PDE7A: variants seen among roughly 807,000 people sequenced by gnomAD.
PDE7A encodes the protein high affinity 3',5'-cyclic-AMP phosphodiesterase 7A.
A neutral mutation model predicts 64.3 loss-of-function variants in PDE7A; 39 were observed. That is an observed-to-expected ratio of 0.61 (90% CI 0.47 to 0.79). The LOEUF (loss-of-function observed/expected upper bound fraction) is 0.79. Among genes scored for constraint, PDE7A ranks in the 30% least tolerant of loss-of-function variants. PDE7A has a pLI of 0.00. For synonymous variants in PDE7A, 203 were observed against 206.8 expected, an observed-to-expected ratio of 0.98 and a Z score of 0.16; for missense variants, 470 against 582.8, an observed-to-expected ratio of 0.81 and a Z score of 1.99.
intron 1 of PDE7A, among the ~76,000 whole-genome samples, chr8:65,801,716 T>C (rs1809991775): frequency 6.6e-6 from 1 of 152,212 alleles, no homozygotes; most frequent in Non-Finnish European, 1.5e-5. Flanking sequence ...GATACAAATT[T>C]ATGCAGGCTG....
intron 12 of PDE7A, 82 bp downstream of exon 12, chr8:65,723,459 T>C: frequency 8.1e-7 from 1 of 1,231,274 alleles, no homozygotes; most frequent in Non-Finnish European, 1.1e-6. Flanking sequence ...AATTTTAATA[T>C]TTTATATTTC....
At position 65,817,890 on chromosome 8, in the gene PDE7A, T is replaced by C. The variant is rs1222488337; in HGVS notation, c.138+23481A>G. Among the ~76,000 whole-genome samples the C allele has an allele frequency of 3.1e-3, 468 of 151,886 alleles. 2 individuals are homozygous for C. Among genetic ancestry groups the C allele is most frequent in the African/African-American group, 0.011 (449 of 41,308 alleles). On this transcript the variant is annotated intron_variant, in intron 1 of 12. Coordinates refer to ENST00000401827, the MANE Select transcript of PDE7A (RefSeq NM_001242318.3). ...GCCTCAGCCTCCTGAGTAGCTGGGA[T>C]TACAGGCGCCTGCCACTGCGCCCAG...
rs878862863 is a variant in PDE7A, at chr8:65,801,073, AGGCC to A, written c.139-18234_139-18231del. On this transcript the variant is annotated intron_variant, in intron 1 of 12. Coordinates refer to ENST00000401827, the MANE Select transcript of PDE7A (RefSeq NM_001242318.3). The stretch of plus-strand genomic sequence containing the variant: ...ACTCAGGAGGTTGAGGCAGAAATTC[AGGCC>A]TATGATCACAACTTTGACTAGTGAC... Among the ~76,000 whole-genome samples, 835 of 152,288 alleles carry A rather than the reference AGGCC, an allele frequency of 5.5e-3. 30 individuals are homozygous for A. The highest frequency in any genetic ancestry group is 0.046 in the Admixed American group (701 of 15,294).
At chr8:65,799,372 C>T (rs1380140291) in intron 1 of PDE7A, among the ~76,000 whole-genome samples, 1 of 152,004 alleles carries the variant, frequency 6.6e-6, no homozygotes, top group Admixed American at 6.6e-5. Context: ...AACTGTCAAC[C>T]ATAATAGGGA....
At chr8:65,740,453 T>G (rs1807365378) in intron 5 of PDE7A, among the ~76,000 whole-genome samples, 1 of 151,922 alleles carries the variant, frequency 6.6e-6, no homozygotes, top group Non-Finnish European at 1.5e-5. Context: ...TGGGCTGGAG[T>G]ACAATGGTGC....
chr8:65,833,326 G>A (rs922675558), intron 1 of PDE7A, among the ~76,000 whole-genome samples: 1 of 152,064 alleles, frequency 6.6e-6, no homozygotes, highest in Non-Finnish European at 1.5e-5. Context: ...TACCCTCCTA[G>A]AACATGGCAT....
intron 3 of PDE7A, among the ~76,000 whole-genome samples, chr8:65,775,391 T>C (rs1356343254): frequency 1.3e-5 from 2 of 152,260 alleles, no homozygotes; most frequent in African/African-American, 2.4e-5. Flanking sequence ...TTCTCATTTA[T>C]GAATATAAGT....
intron 1 of PDE7A, among the ~76,000 whole-genome samples, chr8:65,833,876 G>A (rs80098439): frequency 4.6e-5 from 7 of 152,034 alleles, no homozygotes; most frequent in African/African-American, 1.2e-4. Flanking sequence ...ATTTAAGGCC[G>A]GGATGCAGAG....
chr8:65,775,782 T>C (rs1376076279), intron 3 of PDE7A, among the ~76,000 whole-genome samples: 1 of 152,144 alleles, frequency 6.6e-6, no homozygotes, highest in African/African-American at 2.4e-5. Flanking sequence ...CACGCACCAC[T>C]GCACCTGGCT....
intron 5 of PDE7A, among the ~76,000 whole-genome samples, chr8:65,742,043 T>G (rs190197597): frequency 1.2e-4 from 18 of 152,258 alleles, no homozygotes; most frequent in Admixed American, 3.3e-4. Context: ...TACCAGTGAG[T>G]AAGAACACAA....
intron 12 of PDE7A, among the ~76,000 whole-genome samples, chr8:65,721,359 G>A (rs573605660): frequency 3.9e-5 from 6 of 152,296 alleles, no homozygotes; most frequent in South Asian, 2.1e-4. Context: ...CTATGTTGGG[G>A]AGTAGTAATC....
At chr8:65,839,233 AG>A (rs1208566604) in intron 1 of PDE7A, among the ~76,000 whole-genome samples, 1 of 151,758 alleles carries the variant, frequency 6.6e-6, no homozygotes, top group Admixed American at 6.6e-5. Flanking sequence ...TAAAAAAAAA[AG>A]GGTTTTTTTT....
At chr8:65,797,545 T>C (rs1030993945) in intron 1 of PDE7A, among the ~76,000 whole-genome samples, 2 of 152,236 alleles carry the variant, frequency 1.3e-5, no homozygotes, top group Non-Finnish European at 2.9e-5. Flanking sequence ...GTGAGACAGA[T>C]AATTTCTGTT....
chr8:65,822,968 C>A lies in PDE7A; in HGVS notation c.138+18403G>T, dbSNP rs543336688. On this transcript the variant is annotated intron_variant, in intron 1 of 12. Transcript: ENST00000401827. ...ATCTATCTATCTATCTATCTATATA[C>A]ACAAACACTCTATGGAAAATAAATA... Among the ~76,000 whole-genome samples the A allele has an allele frequency of 4.0e-5, 6 of 150,176 alleles. No individual in the cohort carries two copies. In the East Asian group the frequency reaches 1.2e-3, roughly 29 times the overall value.
intron 1 of PDE7A, among the ~76,000 whole-genome samples, chr8:65,796,353 T>C (rs1416829315): frequency 1.1e-4 from 17 of 152,180 alleles, no homozygotes; most frequent in Admixed American, 9.2e-4. Flanking sequence ...CCTAGATACA[T>C]AGCAATCAAA....
intron 3 of PDE7A, among the ~76,000 whole-genome samples, chr8:65,765,215 C>T (rs968339185): frequency 2.0e-5 from 3 of 152,198 alleles, no homozygotes; most frequent in Non-Finnish European, 2.9e-5. Context: ...GCGAGCCGGG[C>T]GCGGTGGCTC....
At chr8:65,837,950 T>G (rs1264741812) in intron 1 of PDE7A, among the ~76,000 whole-genome samples, 1 of 151,998 alleles carries the variant, frequency 6.6e-6, no homozygotes, top group Non-Finnish European at 1.5e-5. Flanking sequence ...CTGTAATTCT[T>G]TACATTTTCT....
intron 1 of PDE7A, among the ~76,000 whole-genome samples, chr8:65,829,753 G>A (rs1810765121): frequency 6.6e-6 from 1 of 152,032 alleles, no homozygotes; most frequent in Admixed American, 6.6e-5. Flanking sequence ...ATTCCACAGA[G>A]TGATGAAGTA....
At chr8:65,797,923 A>G (rs1398499492) in intron 1 of PDE7A, among the ~76,000 whole-genome samples, 2 of 151,238 alleles carry the variant, frequency 1.3e-5, no homozygotes, top group Non-Finnish European at 2.9e-5. Flanking sequence ...AATGTATGAG[A>G]ATATATCCAT....
Sources: gnomAD v4.1 joint callset for allele counts (sites outside exome capture counted in the v4.1 genomes callset) on GRCh38, gnomAD v4.1.1 for gene constraint, MANE v1.5 for transcripts, NCBI Gene and HGNC (gene_info 2026-07-23, HGNC 2026-07-21) for gene names.